SYN3: variants seen among roughly 807,000 people sequenced by gnomAD.
SYN3 encodes the protein synapsin-3.
A neutral mutation model predicts 65.8 loss-of-function variants in SYN3; 35 were observed. The observed-to-expected ratio is 0.53, with a 90% CI of 0.41 to 0.70. SYN3 has a LOEUF of 0.70. SYN3 is among the 30% of genes least tolerant of loss of function. SYN3 has a pLI of 0.00. For synonymous variants in SYN3, 270 were observed against 292.9 expected (o/e 0.92, Z 0.80); for missense variants, 680 against 749.0 (o/e 0.91, Z 1.08).
intron 7 of SYN3, among the ~76,000 whole-genome samples, chr22:32,567,547 T>A (rs2058691026): frequency 6.6e-6 from 1 of 152,194 alleles, no homozygotes; most frequent in South Asian, 2.1e-4. Flanking sequence ...AGAAAAGGGT[T>A]ATGTATTGGG....
intron 3 of SYN3, among the ~76,000 whole-genome samples, chr22:32,958,104 A>G (rs529992318): frequency 1.3e-5 from 2 of 152,318 alleles, no homozygotes; most frequent in Non-Finnish European, 2.9e-5. Context: ...TCAACTCACA[A>G]TGACATTCAC....
At chr22:32,632,469 T>G (rs1408460221) in intron 6 of SYN3, among the ~76,000 whole-genome samples, 1 of 152,180 alleles carries the variant, frequency 6.6e-6, no homozygotes, top group Non-Finnish European at 1.5e-5. Flanking sequence ...TGATAAATCC[T>G]AAACTAATGG....
At chr22:32,909,192 C>T (rs1390672501) in intron 4 of SYN3, among the ~76,000 whole-genome samples, 2 of 152,194 alleles carry the variant, frequency 1.3e-5, no homozygotes, top group African/African-American at 4.8e-5. Flanking sequence ...AGAGATACAC[C>T]TGGGTTCATA....
chr22:32,824,484 C>G (rs750603336), intron 6 of SYN3, among the ~76,000 whole-genome samples: 3 of 152,028 alleles, frequency 2.0e-5, no homozygotes, highest in Non-Finnish European at 4.4e-5. Flanking sequence ...GAGACAACAG[C>G]AGATCCCTGT....
At chr22:32,580,715 A>G (rs745941296) in intron 7 of SYN3, among the ~76,000 whole-genome samples, 16 of 152,352 alleles carry the variant, frequency 1.1e-4, no homozygotes, top group Admixed American at 5.2e-4. Flanking sequence ...GGAAGATAGC[A>G]CTGCCCATTC....
At chr22:32,683,871 G>A (rs2147123641) in intron 6 of SYN3, among the ~76,000 whole-genome samples, 1 of 152,282 alleles carries the variant, frequency 6.6e-6, no homozygotes, top group Non-Finnish European at 1.5e-5. Flanking sequence ...TAGTCTAGAA[G>A]TACACTAGCA....
At chr22:32,738,007 A>C (rs759283653) in intron 6 of SYN3, among the ~76,000 whole-genome samples, 5 of 152,166 alleles carry the variant, frequency 3.3e-5, no homozygotes, top group Non-Finnish European at 7.4e-5. Flanking sequence ...TAAGCCACTG[A>C]GATTCCCAGG....
Position 32,541,126 on chromosome 22 carries a change from C to T in SYN3, c.917+445G>A, listed in dbSNP as rs73172131. ...AGAGAAATCTGGTGTAACCTCCTAACTGGTCTTATTGGCTTCAGAGAAACC... is the reference window on the plus strand; with the variant it reads ...AGAGAAATCTGGTGTAACCTCCTAATTGGTCTTATTGGCTTCAGAGAAACC... On this transcript the variant is annotated intron_variant, in intron 8 of 13. Coordinates refer to ENST00000358763, the MANE Select transcript of SYN3 (RefSeq NM_003490.4). Among the ~76,000 whole-genome samples the T allele has an allele frequency of 7.0e-3, 1,068 of 152,306 alleles. 6 individuals carry two copies. Among genetic ancestry groups the T allele is most frequent in the South Asian group, 0.036 (173 of 4,824 alleles).
Position 32,513,723 on chromosome 22 carries a change from C to T in SYN3, c.1712G>A (p.Arg571Lys). 6.2e-7 allele frequency: 1 copy of T among 1,614,176 alleles called. No individual in the cohort carries two copies. Among genetic ancestry groups the T allele is most frequent in the Non-Finnish European group, 8.5e-7 (1 of 1,180,036 alleles). The change falls in exon 14 of 14, where the codon AGG (arginine) becomes AAG (lysine). Residue 571 changes from arginine to lysine, a missense_variant. Transcript: ENST00000358763. ...EAKAETIRNL[R>K]KSFASLFSD Reference sequence around the variant, plus strand: ...AGAGAACAGGCTGGCAAAAGACTTCCTCAGGTTGCGGATGGTTTCAGCCTT... The same window carrying T: ...AGAGAACAGGCTGGCAAAAGACTTCTTCAGGTTGCGGATGGTTTCAGCCTT...
At chr22:32,750,673 G>A (rs2045091141) in intron 6 of SYN3, among the ~76,000 whole-genome samples, 1 of 152,222 alleles carries the variant, frequency 6.6e-6, no homozygotes, top group Admixed American at 6.5e-5. Context: ...AAACCAGAAA[G>A]CCAGCTAGAA....
At chr22:33,043,057 T>G (rs2053992938) in intron 1 of SYN3, among the ~76,000 whole-genome samples, 1 of 152,124 alleles carries the variant, frequency 6.6e-6, no homozygotes, top group African/African-American at 2.4e-5. Flanking sequence ...AGGACTAACA[T>G]CAAAAAGAAA....
At chr22:32,521,338 A>G (rs370768437) in intron 12 of SYN3, among the ~76,000 whole-genome samples, 5 of 152,154 alleles carry the variant, frequency 3.3e-5, no homozygotes, top group African/African-American at 1.2e-4. Flanking sequence ...CGCTGTTAGT[A>G]ACGCCAGGGA....
chr22:32,879,183 C>T (rs1165131903), intron 4 of SYN3, among the ~76,000 whole-genome samples: 1 of 152,210 alleles, frequency 6.6e-6, no homozygotes, highest in Non-Finnish European at 1.5e-5. Context: ...TCTGCCTGAG[C>T]ATCACATACC....
At chr22:32,822,094 G>A (rs1324160314) in intron 6 of SYN3, among the ~76,000 whole-genome samples, 2 of 148,326 alleles carry the variant, frequency 1.3e-5, no homozygotes, top group Non-Finnish European at 3.0e-5. Context: ...GGCAGAGGTT[G>A]CAATGAGCCG....
chr22:32,993,553 C>G (rs1353146010), intron 2 of SYN3, among the ~76,000 whole-genome samples: 1 of 152,146 alleles, frequency 6.6e-6, no homozygotes, highest in East Asian at 1.9e-4. Flanking sequence ...ACCATATTGG[C>G]CAGGCTGGTC....
intron 7 of SYN3, among the ~76,000 whole-genome samples, chr22:32,565,438 TACAC>T (rs1488645588): frequency 6.6e-6 from 1 of 151,816 alleles, no homozygotes; most frequent in Non-Finnish European, 1.5e-5. Flanking sequence ...TACATATATA[TACAC>T]ACACATATAC....
chr22:32,971,562 A>G (rs115589676), intron 3 of SYN3, among the ~76,000 whole-genome samples: 2,444 of 152,228 alleles, frequency 0.016, 61 homozygotes, highest in African/African-American at 0.054. Flanking sequence ...ATTATGGAGC[A>G]CTTCAGAGTT....
At chr22:32,833,920 A>C (rs982012662) in intron 6 of SYN3, 1 of 495,400 alleles carries the variant, frequency 2.0e-6, no homozygotes, top group Non-Finnish European at 4.0e-6. Context: ...TTAGTATTGT[A>C]ATCATTGACA....
At chr22:32,575,898 A>C (rs1410416162) in intron 7 of SYN3, among the ~76,000 whole-genome samples, 2 of 152,170 alleles carry the variant, frequency 1.3e-5, no homozygotes, top group African/African-American at 4.8e-5. Flanking sequence ...ACAAACAAAA[A>C]AAAACAAACC....
Sources: allele counts gnomAD v4.1 joint callset (sites outside exome capture counted in the v4.1 genomes callset), GRCh38; gene constraint gnomAD v4.1.1; transcripts MANE v1.5; gene names NCBI Gene and HGNC (gene_info 2026-07-23, HGNC 2026-07-21).